ERBB4: variants seen among roughly 807,000 people sequenced by gnomAD.
The protein encoded by ERBB4 is erb-b2 receptor tyrosine kinase 4.
In ERBB4, 42 loss-of-function variants were observed where a neutral mutation model predicts 158.0. That is an observed-to-expected ratio of 0.27 (90% CI 0.21 to 0.34). The LOEUF (loss-of-function observed/expected upper bound fraction) is 0.34. Among genes scored for constraint, ERBB4 ranks in the 10% least tolerant of loss-of-function variants. The pLI is 1.00. For missense variants in ERBB4, 1,333 were observed against 1,624.1 expected, an observed-to-expected ratio of 0.82 and a Z score of 3.08; for synonymous variants, 583 against 558.7, an observed-to-expected ratio of 1.04 and a Z score of -0.61.
chr2:211,730,648 AT>A (rs1475714738), intron 5 of ERBB4, among the ~76,000 whole-genome samples: 2 of 152,150 alleles, frequency 1.3e-5, no homozygotes, highest in East Asian at 3.9e-4. Context: ...AGACTTTTTA[AT>A]AAGCCCATTT....
chr2:211,815,372 C>T (rs1039653299), intron 3 of ERBB4, among the ~76,000 whole-genome samples: 2 of 152,170 alleles, frequency 1.3e-5, no homozygotes, highest in African/African-American at 4.8e-5. Context: ...AAGTGTTTGA[C>T]TCTCCTCAGG....
At chr2:211,555,952 T>A (rs1035245713) in intron 20 of ERBB4, among the ~76,000 whole-genome samples, 4 of 152,044 alleles carry the variant, frequency 2.6e-5, no homozygotes, top group Non-Finnish European at 5.9e-5. Flanking sequence ...GATGACAGGA[T>A]CAAATCCACA....
At chr2:211,867,939 T>G (rs1431577739) in intron 3 of ERBB4, among the ~76,000 whole-genome samples, 1 of 152,220 alleles carries the variant, frequency 6.6e-6, no homozygotes, top group African/African-American at 2.4e-5. Flanking sequence ...TAGCATTCTT[T>G]GCTTTCCTTT....
At chr2:212,048,412 A>G (rs1282991261) in intron 2 of ERBB4, among the ~76,000 whole-genome samples, 1 of 152,192 alleles carries the variant, frequency 6.6e-6, no homozygotes, top group Non-Finnish European at 1.5e-5. Flanking sequence ...GATTTAGAGC[A>G]GGGTGCTGGT....
chr2:211,415,683 A>G (rs1225445218), intron 25 of ERBB4, among the ~76,000 whole-genome samples: 1 of 152,168 alleles, frequency 6.6e-6, no homozygotes, highest in Non-Finnish European at 1.5e-5. Flanking sequence ...GAGCAAAGTG[A>G]TATGGTGTAA....
chr2:211,455,621 C>A (rs2125489375), intron 20 of ERBB4, among the ~76,000 whole-genome samples: 1 of 152,214 alleles, frequency 6.6e-6, no homozygotes, highest in Admixed American at 6.5e-5. Flanking sequence ...AATGACAAAA[C>A]AGTTCATATT....
chr2:212,491,727 G>T (rs1690289599), intron 1 of ERBB4, among the ~76,000 whole-genome samples: 2 of 151,426 alleles, frequency 1.3e-5, no homozygotes, highest in African/African-American at 4.8e-5. Flanking sequence ...TTTTTGGCAT[G>T]CTCATCCCTC....
intron 2 of ERBB4, among the ~76,000 whole-genome samples, chr2:212,110,819 AC>A (rs1464339772): frequency 6.6e-6 from 1 of 152,256 alleles, no homozygotes; most frequent in African/African-American, 2.4e-5. Context: ...TGGCTGAAGC[AC>A]AACTAGCTGT....
At chr2:211,416,271 CA>C (rs1039398830) in intron 25 of ERBB4, among the ~76,000 whole-genome samples, 3 of 151,322 alleles carry the variant, frequency 2.0e-5, no homozygotes, top group African/African-American at 7.3e-5. Flanking sequence ...TTTATTATAT[CA>C]AAAAAATATA....
Position 212,223,412 on chromosome 2 carries a change from AAT to A in ERBB4, c.83-98511_83-98510del, listed in dbSNP as rs200827950. Among the ~76,000 whole-genome samples, 168 of 82,036 alleles carry A rather than the reference AAT, an allele frequency of 2.0e-3. 1 individual carries two copies. Among genetic ancestry groups the A allele is most frequent in the South Asian group, 0.013 (30 of 2,308 alleles). 53.8% of individuals were successfully genotyped at this position (82,036 alleles called of 152,430 possible). A position where few individuals can be genotyped will look rare whatever the true frequency, so the allele number is the denominator to read the frequency against. Reference sequence around the variant, plus strand: ...TTTATATCTTCATATATATTTATCAAATATATATATATATATTTTTTTTATTT... The same window carrying A: ...TTTATATCTTCATATATATTTATCAAATATATATATATATTTTTTTTATTT... On this transcript the variant is annotated intron_variant, in intron 1 of 27. Coordinates refer to ENST00000342788, the MANE Select transcript of ERBB4 (RefSeq NM_005235.3).
chr2:211,420,751 A>G (rs2063497466), intron 24 of ERBB4, 140 bp from the exon 25 acceptor site: 1 of 754,748 alleles, frequency 1.3e-6, no homozygotes, highest in Non-Finnish European at 2.2e-6. Context: ...AGTCTTTAGC[A>G]CAACCACCGG....
intron 1 of ERBB4, among the ~76,000 whole-genome samples, chr2:212,430,510 G>A (rs1172346140): frequency 2.0e-5 from 3 of 150,570 alleles, no homozygotes; most frequent in Non-Finnish European, 4.4e-5. Flanking sequence ...GCGCGATCTT[G>A]GCTCACTGCA....
At chr2:211,599,711 GC>G (rs1335103171) in intron 19 of ERBB4, among the ~76,000 whole-genome samples, 1 of 152,170 alleles carries the variant, frequency 6.6e-6, no homozygotes, top group East Asian at 1.9e-4. Context: ...CAGTACTACT[GC>G]CAAGCTCTAT....
intron 16 of ERBB4, 191 bp downstream of exon 16, chr2:211,657,563 A>G (rs2071265473): frequency 1.6e-6 from 1 of 618,006 alleles, no homozygotes; most frequent in Non-Finnish European, 2.9e-6. Context: ...TTGTATCACA[A>G]TGAATGAAGG....
rs551980944 is a variant in ERBB4, at chr2:211,577,778, C to T, written c.2302-15690G>A. Reference sequence around the variant, plus strand: ...ATTTGACATTCCCTCATGTTAAAAACTCTCAATAAACTAGGTATTAAAGGA... The same window carrying T: ...ATTTGACATTCCCTCATGTTAAAAATTCTCAATAAACTAGGTATTAAAGGA... On this transcript the variant is annotated intron_variant, in intron 19 of 27. Coordinates refer to ENST00000342788, the MANE Select transcript of ERBB4 (RefSeq NM_005235.3). Among the ~76,000 whole-genome samples, 4 of 152,220 alleles carry T rather than the reference C, an allele frequency of 2.6e-5. No homozygotes were observed. The South Asian group carries it at 8.3e-4, about 32-fold the overall frequency.
At chr2:211,725,758 T>C (rs569183769) in intron 5 of ERBB4, among the ~76,000 whole-genome samples, 1 of 151,628 alleles carries the variant, frequency 6.6e-6, no homozygotes, top group African/African-American at 2.4e-5. Flanking sequence ...AGACTTTTAG[T>C]AGTCAATGCA....
At chr2:211,972,841 A>G (rs2081492987) in intron 2 of ERBB4, among the ~76,000 whole-genome samples, 1 of 152,204 alleles carries the variant, frequency 6.6e-6, no homozygotes. Context: ...GGACACAGAC[A>G]CAGGCAAAGA....
intron 2 of ERBB4, among the ~76,000 whole-genome samples, chr2:212,080,991 C>T (rs1466170739): frequency 2.6e-5 from 4 of 152,152 alleles, no homozygotes; most frequent in Non-Finnish European, 5.9e-5. Flanking sequence ...AGCACGCTGT[C>T]AACCTTCAGT....
chr2:211,824,431 A>AGCAC (rs1214086014), intron 3 of ERBB4, among the ~76,000 whole-genome samples: 1 of 152,010 alleles, frequency 6.6e-6, no homozygotes, highest in Admixed American at 6.6e-5. Flanking sequence ...AAAGTTCCAG[A>AGCAC]GCACGCTTCA....
Sources: allele counts gnomAD v4.1 joint callset (sites outside exome capture counted in the v4.1 genomes callset), GRCh38; gene constraint gnomAD v4.1.1; transcripts MANE v1.5; gene names NCBI Gene and HGNC (gene_info 2026-07-23, HGNC 2026-07-21).